The following CEP68 variants were observed in gnomAD, a reference collection of about 807,000 sequenced individuals.
CEP68 encodes the protein centrosomal protein 68.
Under a neutral mutation model 55.3 loss-of-function variants are expected in CEP68, and 26 were observed. The observed-to-expected ratio is 0.47, with a 90% confidence interval of 0.34 to 0.65. The LOEUF is 0.65. Among genes scored for constraint, CEP68 ranks in the 30% least tolerant of loss-of-function variants. CEP68 has a pLI of 0.01. For synonymous variants in CEP68, 402 were observed against 383.2 expected, an observed-to-expected ratio of 1.05 and a Z score of -0.57; for missense variants, 957 against 946.7, an observed-to-expected ratio of 1.01 and a Z score of -0.14.
chr2:65,074,467 C>A (rs1676664129), intron 4 of CEP68, 63 bp downstream of exon 4: 1 of 1,610,624 alleles, frequency 6.2e-7, no homozygotes, highest in Non-Finnish European at 8.5e-7. Context: ...TACTCGATTA[C>A]AAAGTAAAAT....
intron 5 of CEP68, among the ~76,000 whole-genome samples, chr2:65,081,898 T>C (rs1264566589): frequency 6.6e-6 from 1 of 152,196 alleles, no homozygotes. Flanking sequence ...GGTTTCTCCA[T>C]GTTGGTCAGG....
At position 65,071,815 on chromosome 2, in the gene CEP68, T is replaced by G. The variant is rs759131464; in HGVS notation, c.719T>G (p.Val240Gly). The stretch of plus-strand genomic sequence containing the variant: ...GTCCCCCAGGAACCTTCCTCTGTGG[T>G]GGGGCTAGGACCTCGGCCCCAGTGG... ...PVVPQEPSSV[V>G]GLGPRPQWSP... The change falls in exon 3 of 7, where the codon GTG becomes GGG. Residue 240 changes from valine to glycine, a missense_variant. By Grantham distance (109) the Val-to-Gly change is moderately radical. Coordinates refer to ENST00000377990, the MANE Select transcript of CEP68 (RefSeq NM_015147.3). 7.5e-6 allele frequency: 12 copies of G among 1,606,570 alleles called. No individual in the cohort carries two copies. The highest frequency in any genetic ancestry group is 8.5e-7 in the Non-Finnish European group (1 of 1,175,384).
intron 5 of CEP68, chr2:65,080,561 G>A: frequency 3.0e-6 from 3 of 984,720 alleles, no homozygotes; most frequent in Non-Finnish European, 3.6e-6. Context: ...GCTCACGCCT[G>A]TAATCTCAAC....
At chr2:65,081,963 T>G (rs948900648) in intron 5 of CEP68, among the ~76,000 whole-genome samples, 17 of 152,278 alleles carry the variant, frequency 1.1e-4, no homozygotes, top group Admixed American at 3.3e-4. Flanking sequence ...TCCCAAAGTG[T>G]TGTTGGGATT....
intron 1 of CEP68, among the ~76,000 whole-genome samples, chr2:65,058,721 G>C (rs1255054545): frequency 6.6e-6 from 1 of 151,804 alleles, no homozygotes; most frequent in Non-Finnish European, 1.5e-5. Context: ...TGTCCAGCCT[G>C]GTCTTGAACT....
At chr2:65,070,736 T>G (rs1343481784) in intron 2 of CEP68, 2 of 152,116 alleles carry the variant, frequency 1.3e-5, no homozygotes, top group Non-Finnish European at 2.9e-5. Flanking sequence ...ATTATTAGAA[T>G]TCCTGTTGTT....
intron 1 of CEP68, among the ~76,000 whole-genome samples, chr2:65,059,402 T>G (rs1056831170): frequency 2.0e-5 from 3 of 152,192 alleles, no homozygotes; most frequent in African/African-American, 7.2e-5. Flanking sequence ...ACCTTTCCCC[T>G]CCTCACTTGT....
intron 1 of CEP68, among the ~76,000 whole-genome samples, chr2:65,064,563 T>C (rs1210048152): frequency 6.6e-6 from 1 of 151,944 alleles, no homozygotes; most frequent in Non-Finnish European, 1.5e-5. Flanking sequence ...TGAAACCCCA[T>C]CTCTACTAAA....
Position 65,071,443 on chromosome 2 carries a change from G to C in CEP68, c.358-11G>C. 1 of 1,607,240 alleles carries C rather than the reference G, an allele frequency of 6.2e-7. No homozygotes were observed. Among genetic ancestry groups the C allele is most frequent in the South Asian group, 1.1e-5 (1 of 90,562 alleles). On this transcript the variant is annotated splice_polypyrimidine_tract_variant and intron_variant, in intron 2 of 6. Coordinates refer to ENST00000377990, the MANE Select transcript of CEP68 (RefSeq NM_015147.3). The stretch of plus-strand genomic sequence containing the variant: ...TTACCCAAGTGCTTTTTGTCCCTTT[G>C]ATCATTGCAGGTGGAGAAGACCAAG...
At chr2:65,080,655 T>G (rs1676968622) in intron 5 of CEP68, 1 of 560,094 alleles carries the variant, frequency 1.8e-6, no homozygotes, top group Middle Eastern at 8.7e-4. Flanking sequence ...CCATCTCTAC[T>G]AAAAGTAAAA....
At chr2:65,064,979 C>G (rs1331667894) in intron 1 of CEP68, among the ~76,000 whole-genome samples, 2 of 152,216 alleles carry the variant, frequency 1.3e-5, no homozygotes, top group Non-Finnish European at 2.9e-5. Flanking sequence ...CCAGTCTTCT[C>G]TCTCTTCTGC....
chr2:65,072,240 G>C lies in CEP68; in HGVS notation c.1144G>C (p.Val382Leu). 1.2e-6 allele frequency: 2 copies of C among 1,614,104 alleles called. No homozygotes were observed. The highest frequency in any genetic ancestry group is 2.7e-5 in the African/African-American group (2 of 75,024). ...EPSLKQWPSR[V>L]PQKQGGMGLA... ...AAGCCTTAAGCAGTGGCCCTCCAGA[G>C]TACCCCAGAAACAGGGTGGCATGGG... Residue 382 changes from valine (V) to leucine (L), a missense_variant, in exon 3 of 7, where the codon GTA becomes CTA. Coordinates refer to ENST00000377990, the MANE Select transcript of CEP68 (RefSeq NM_015147.3).
intron 6 of CEP68, among the ~76,000 whole-genome samples, chr2:65,083,256 T>G (rs1668918829): frequency 6.6e-6 from 1 of 152,094 alleles, no homozygotes; most frequent in Non-Finnish European, 1.5e-5. Flanking sequence ...GCTAGGGGGA[T>G]GGAGGGGTTA....
Position 65,062,532 on chromosome 2 carries a change from C to CAAAA in CEP68, c.-47+6020_-47+6023dup, listed in dbSNP as rs10700779. 9.9e-3 allele frequency among the ~76,000 whole-genome samples: 653 copies of CAAAA among 66,182 alleles called. 21 individuals carry two copies. The highest frequency in any genetic ancestry group is 0.032 in the African/African-American group (504 of 15,876). 43.4% of individuals were successfully genotyped at this position (66,182 alleles called of 152,430 possible). On this transcript the variant is annotated intron_variant, in intron 1 of 6. Coordinates refer to ENST00000377990, the MANE Select transcript of CEP68 (RefSeq NM_015147.3). The stretch of plus-strand genomic sequence containing the variant: ...TGGGCGACAGAGTGAGACTCCATCT[C>CAAAA]AAAAAAAAAAAAAAAAAAAGAGGCG...
intron 1 of CEP68, among the ~76,000 whole-genome samples, chr2:65,066,252 G>A (rs1408403472): frequency 6.6e-6 from 1 of 152,150 alleles, no homozygotes; most frequent in African/African-American, 2.4e-5. Flanking sequence ...ACTCCATACA[G>A]ACAGTGACCT....
rs1049811119 is a variant in CEP68, at chr2:65,069,541, A to G, written c.97A>G (p.Ile33Val). The G allele has an allele frequency of 3.7e-6, 6 of 1,602,286 alleles. No homozygotes were observed. Among genetic ancestry groups the G allele is most frequent in the South Asian group, 1.1e-5 (1 of 90,338 alleles). ...GAGCTGCAGGGAGCGGGAGCTGGACATCCCAGGGCCCATGAGTGGGGAGCA... is the reference window on the plus strand; with the variant it reads ...GAGCTGCAGGGAGCGGGAGCTGGACGTCCCAGGGCCCATGAGTGGGGAGCA... ...RGSCRERELDIPGPMSGEQPP... is the reference protein window; with the variant it reads ...RGSCRERELDVPGPMSGEQPP... Residue 33 changes from isoleucine (I) to valine (V), a missense_variant, in exon 2 of 7, where the codon ATC becomes GTC. By Grantham distance (29) the Ile-to-Val change is conservative. Coordinates refer to ENST00000377990, the MANE Select transcript of CEP68 (RefSeq NM_015147.3).
Position 65,071,895 on chromosome 2 carries a change from C to T in CEP68, c.799C>T (p.Leu267Phe). Residue 267 changes from leucine (L) to phenylalanine (F), a missense_variant, in exon 3 of 7, where the codon CTC becomes TTC. Physicochemically the swap from Leu to Phe is conservative, Grantham distance 22 (BLOSUM62 0). Coordinates refer to ENST00000377990, the MANE Select transcript of CEP68 (RefSeq NM_015147.3). The part of the protein sequence containing the change: ...GDASGLGRRR[L>F]SFQAEYWACV... ...TGCTTCTGGGCTAGGCAGGAGACGC[C>T]TCTCCTTCCAGGCTGAGTACTGGGC... 1.9e-6 allele frequency: 3 copies of T among 1,612,658 alleles called. No individual in the cohort carries two copies. Among genetic ancestry groups the T allele is most frequent in the East Asian group, 4.5e-5 (2 of 44,868 alleles).
chr2:65,079,486 TTCTC>T (rs1676909919), intron 5 of CEP68, among the ~76,000 whole-genome samples: 1 of 152,250 alleles, frequency 6.6e-6, no homozygotes, highest in Non-Finnish European at 1.5e-5. Context: ...AGGTAAGTGA[TTCTC>T]TAGTGTGAAT....
rs993106103 is a variant in CEP68 at position 65,076,799 on chromosome 2, C to T, written c.2008-1069C>T. On this transcript the variant is annotated intron_variant, in intron 4 of 6. Coordinates refer to ENST00000377990, the MANE Select transcript of CEP68 (RefSeq NM_015147.3). ...GGTAAAACACCAAGTTCTGGCTGGG[C>T]ACGGTGGCTCATACCTGTAATCCCA... Among the ~76,000 whole-genome samples, 4 of 152,134 alleles carry T rather than the reference C, an allele frequency of 2.6e-5. No individual in the cohort carries two copies. The East Asian group carries it at 7.7e-4, about 29-fold the overall frequency.
Sources: allele counts gnomAD v4.1 joint callset (sites outside exome capture counted in the v4.1 genomes callset), GRCh38; gene constraint gnomAD v4.1.1; transcripts MANE v1.5; gene names NCBI Gene and HGNC (gene_info 2026-07-23, HGNC 2026-07-21).